The following SPAG16 variants were observed in gnomAD, a reference collection of about 807,000 sequenced individuals.
The protein encoded by SPAG16 is sperm associated antigen 16.
Under a neutral mutation model 80.4 loss-of-function variants are expected in SPAG16, and 86 were observed. The ratio of observed to expected loss-of-function variants is 1.07; its 90% confidence interval spans 0.90 to 1.28. SPAG16 has a LOEUF of 1.28. Ranked by LOEUF, SPAG16 falls within the 50% of genes most tolerant of loss-of-function variation. SPAG16 has a pLI of 0.00. For synonymous variants in SPAG16, 294 were observed against 265.9 expected (o/e 1.11, Z -1.03); for missense variants, 870 against 765.3 (o/e 1.14, Z -1.61).
At chr2:213,741,780 A>T (rs1028012106) in intron 10 of SPAG16, among the ~76,000 whole-genome samples, 2 of 152,094 alleles carry the variant, frequency 1.3e-5, no homozygotes, top group African/African-American at 4.8e-5. Context: ...AAATTTAGAG[A>T]TTATATTATT....
intron 10 of SPAG16, among the ~76,000 whole-genome samples, chr2:213,590,668 G>T (rs1376991104): frequency 5.3e-5 from 8 of 152,182 alleles, no homozygotes; most frequent in South Asian, 2.1e-4. Flanking sequence ...TGCTAAGGTT[G>T]TGGAGAAAAT....
At chr2:213,465,354 G>A (rs1242365608) in intron 9 of SPAG16, among the ~76,000 whole-genome samples, 4 of 152,168 alleles carry the variant, frequency 2.6e-5, no homozygotes, top group Non-Finnish European at 4.4e-5. Context: ...TGTCATTCAG[G>A]ATGACTACTG....
intron 15 of SPAG16, among the ~76,000 whole-genome samples, chr2:214,201,429 TTCAGGCC>T (rs2058006574): frequency 6.6e-6 from 1 of 152,210 alleles, no homozygotes; most frequent in Admixed American, 6.6e-5. Context: ...TATGAATGAA[TTCAGGCC>T]TCATTAATGC....
At chr2:213,922,052 G>T (rs547860714) in intron 11 of SPAG16, among the ~76,000 whole-genome samples, 1 of 152,198 alleles carries the variant, frequency 6.6e-6, no homozygotes, top group Admixed American at 6.5e-5. Context: ...GCATTTCATG[G>T]ATTTGAATGT....
At chr2:213,768,470 C>G (rs1025908317) in intron 10 of SPAG16, among the ~76,000 whole-genome samples, 2 of 152,110 alleles carry the variant, frequency 1.3e-5, no homozygotes, top group African/African-American at 4.8e-5. Flanking sequence ...GTAGACTTCA[C>G]AAGACAGCAC....
chr2:214,282,677 C>G (rs936031284), intron 15 of SPAG16, among the ~76,000 whole-genome samples: 1 of 151,936 alleles, frequency 6.6e-6, no homozygotes. Context: ...AATTTTGGAG[C>G]AGAAAAGACC....
intron 11 of SPAG16, among the ~76,000 whole-genome samples, chr2:213,866,467 G>T (rs551092732): frequency 5.3e-5 from 8 of 152,168 alleles, no homozygotes; most frequent in Admixed American, 2.0e-4. Context: ...TATACTTATA[G>T]ATATTGGAAG....
chr2:214,281,029 C>A, intron 15 of SPAG16: 1 of 411,756 alleles, frequency 2.4e-6, no homozygotes. Context: ...TCACAGCTCC[C>A]TCAGGGCGCC....
At chr2:213,642,877 C>T (rs1036516995) in intron 10 of SPAG16, among the ~76,000 whole-genome samples, 17 of 143,798 alleles carry the variant, frequency 1.2e-4, no homozygotes, top group Non-Finnish European at 2.3e-4. Context: ...TCCCAGCCTA[C>T]ATCTCTTTTC....
chr2:213,379,388 C>T (rs1044294986), intron 9 of SPAG16, among the ~76,000 whole-genome samples: 1 of 152,196 alleles, frequency 6.6e-6, no homozygotes, highest in Non-Finnish European at 1.5e-5. Context: ...GGCAATTCTA[C>T]GGTTTTATCA....
At position 213,604,655 on chromosome 2, in the gene SPAG16, A is replaced by G. The variant is rs2061190221; in HGVS notation, c.1070+114565A>G. On this transcript the variant is annotated intron_variant, in intron 10 of 15. Transcript: ENST00000331683. ...TGCTACTGCCATATTATAGATCTAC[A>G]TTATTTATTAAATTGTAAGCTGTTT... 2.0e-5 allele frequency among the ~76,000 whole-genome samples: 3 copies of G among 152,000 alleles called. No individual in the cohort carries two copies. The South Asian group carries it at 6.2e-4, about 31-fold the overall frequency.
At chr2:213,819,549 A>G (rs900304156) in intron 10 of SPAG16, among the ~76,000 whole-genome samples, 1 of 151,668 alleles carries the variant, frequency 6.6e-6, no homozygotes, top group Admixed American at 6.6e-5. Context: ...TTCTTTGAAA[A>G]CTTTTTTTTT....
At chr2:213,584,132 G>C (rs1320692802) in intron 10 of SPAG16, among the ~76,000 whole-genome samples, 1 of 152,152 alleles carries the variant, frequency 6.6e-6, no homozygotes, top group Non-Finnish European at 1.5e-5. Flanking sequence ...CTAACATGTA[G>C]TATTGGCCAA....
At chr2:214,238,365 G>C (rs960098694) in intron 15 of SPAG16, 1 of 168,970 alleles carries the variant, frequency 5.9e-6, no homozygotes, top group South Asian at 1.3e-4. Context: ...TCAGCCCCTT[G>C]AAATGAAGGT....
At chr2:213,640,815 C>A (rs1005199857) in intron 10 of SPAG16, among the ~76,000 whole-genome samples, 1 of 152,156 alleles carries the variant, frequency 6.6e-6, no homozygotes, top group African/African-American at 2.4e-5. Context: ...TTATTTTCTC[C>A]TTCCTTGGAG....
At chr2:213,822,797 A>G (rs982261420) in intron 10 of SPAG16, among the ~76,000 whole-genome samples, 4 of 151,610 alleles carry the variant, frequency 2.6e-5, no homozygotes, top group African/African-American at 7.3e-5. Flanking sequence ...TCAAGGTTCA[A>G]CTCCCACTTA....
chr2:214,136,086 G>A (rs1159027916), intron 14 of SPAG16, among the ~76,000 whole-genome samples: 1 of 152,070 alleles, frequency 6.6e-6, no homozygotes, highest in African/African-American at 2.4e-5. Flanking sequence ...GGAAGAGAGA[G>A]GGGGTAGTGC....
Position 213,999,107 on chromosome 2 carries a change from G to A in SPAG16, c.1401-14844G>A, listed in dbSNP as rs576101248. ...TGCAGAAATTTGCATAAGTAACAAC[G>A]AGGGGAATGTTAATCCCCAAGACAA... On this transcript the variant is annotated intron_variant, in intron 12 of 15. Transcript: ENST00000331683. 7.0e-4 allele frequency among the ~76,000 whole-genome samples: 107 copies of A among 152,314 alleles called. 1 individual carries two copies. Among genetic ancestry groups the A allele is most frequent in the African/African-American group, 2.5e-3 (102 of 41,578 alleles).
At chr2:214,166,514 T>C (rs1238391666) in intron 15 of SPAG16, among the ~76,000 whole-genome samples, 1 of 152,198 alleles carries the variant, frequency 6.6e-6, no homozygotes, top group African/African-American at 2.4e-5. Context: ...GCCAGGCTCC[T>C]GTTAGGCCAT....
Sources: gnomAD v4.1 joint callset for allele counts (sites outside exome capture counted in the v4.1 genomes callset) on GRCh38, gnomAD v4.1.1 for gene constraint, MANE v1.5 for transcripts, NCBI Gene and HGNC (gene_info 2026-07-23, HGNC 2026-07-21) for gene names.